SPRED1: variants seen among roughly 807,000 people sequenced by gnomAD.
The protein encoded by SPRED1 is sprouty-related, EVH1 domain-containing protein 1.
SPRED1 carries 18 observed loss-of-function variants against 52.3 expected under a neutral mutation model. The ratio of observed to expected loss-of-function variants is 0.34; its 90% CI spans 0.24 to 0.51. SPRED1 has a LOEUF of 0.51. Among genes scored for constraint, SPRED1 ranks in the 20% least tolerant of loss-of-function variants. The pLI, the probability that SPRED1 is intolerant of heterozygous loss-of-function variation, is 0.97. For synonymous variants in SPRED1, 155 were observed against 179.7 expected, an observed-to-expected ratio of 0.86 and a Z score of 1.10; for missense variants, 485 against 551.0, an observed-to-expected ratio of 0.88 and a Z score of 1.20.
At chr15:38,335,615 TC>T (rs748402106) in intron 4 of SPRED1, among the ~76,000 whole-genome samples, 1 of 152,110 alleles carries the variant, frequency 6.6e-6, no homozygotes, top group Non-Finnish European at 1.5e-5. Flanking sequence ...AAAAATGATT[TC>T]ATTGTTACAG....
chr15:38,265,663 G>A (rs530557484), intron 1 of SPRED1, among the ~76,000 whole-genome samples: 1 of 151,966 alleles, frequency 6.6e-6, no homozygotes, highest in East Asian at 1.9e-4. Flanking sequence ...GTTATAAAAG[G>A]AGTATATTTC....
In SPRED1 at chr15:38,311,799, T is replaced by C. The variant is rs1183882322; in HGVS notation, c.208-10442T>C. Among the ~76,000 whole-genome samples, 3 of 152,296 alleles carry C rather than the reference T, an allele frequency of 2.0e-5. No individual in the cohort carries two copies. The East Asian group carries it at 5.8e-4, about 29-fold the overall frequency. On this transcript the variant is annotated intron_variant, in intron 2 of 6. Coordinates refer to ENST00000299084, the MANE Select transcript of SPRED1 (RefSeq NM_152594.3). ...TCCTGTAATGGATTTGTGGCTTTGC[T>C]CTTTTGTCAGTCTTGCTAGAGATGT...
At chr15:38,326,353 AG>A (rs1895710154) in intron 4 of SPRED1, 1 of 152,218 alleles carries the variant, frequency 6.6e-6, no homozygotes. Flanking sequence ...AAGCTAAGGA[AG>A]GGCTCCTAAA....
In SPRED1 at chr15:38,356,343, T is replaced by C. The variant is rs1433124445; in HGVS notation, c.*4679T>C. 1.3e-5 allele frequency: 2 copies of C among 152,140 alleles called. No homozygotes were observed. The highest frequency in any genetic ancestry group is 4.8e-5 in the African/African-American group (2 of 41,458). 9.4% of individuals were successfully genotyped at this position (152,140 alleles called of 1,614,324 possible). ...TAATACATTATAAGTTTGTAACCAT[T>C]TCTGTTACTTCATACCCGTGTAATT... On this transcript the variant is annotated 3_prime_UTR_variant, in exon 7 of 7. Coordinates refer to ENST00000299084, the MANE Select transcript of SPRED1 (RefSeq NM_152594.3).
chr15:38,272,276 G>GTTTTTGTTT (rs1555387946), intron 1 of SPRED1, among the ~76,000 whole-genome samples: 2 of 131,426 alleles, frequency 1.5e-5, no homozygotes, highest in African/African-American at 2.8e-5. Flanking sequence ...CGAATGCTAG[G>GTTTTTGTTT]TTTTTTTTTT....
chr15:38,253,138 G>A lies in SPRED1; in HGVS notation c.-48G>A. The A allele has an allele frequency of 6.4e-7, 1 of 1,551,844 alleles. No individual in the cohort carries two copies. Among genetic ancestry groups the A allele is most frequent in the Non-Finnish European group, 8.7e-7 (1 of 1,145,230 alleles). On this transcript the variant is annotated 5_prime_UTR_variant, in exon 1 of 7. Coordinates refer to ENST00000299084, the MANE Select transcript of SPRED1 (RefSeq NM_152594.3). The stretch of plus-strand genomic sequence containing the variant: ...CCCTCGGTGCTGCTGTTGCTCCCCC[G>A]CCTGCTGTTGCTCCTCCATCTCCAG...
intron 1 of SPRED1, among the ~76,000 whole-genome samples, chr15:38,279,324 G>A (rs1435960416): frequency 6.6e-6 from 1 of 152,152 alleles, no homozygotes; most frequent in Non-Finnish European, 1.5e-5. Flanking sequence ...TCTCTGTAGA[G>A]CAATTACCAG....
intron 1 of SPRED1, among the ~76,000 whole-genome samples, chr15:38,270,869 T>C (rs1894419700): frequency 6.6e-6 from 1 of 152,252 alleles, no homozygotes; most frequent in Non-Finnish European, 1.5e-5. Flanking sequence ...TTTGTACATA[T>C]GTCTCTTGAA....
intron 1 of SPRED1, among the ~76,000 whole-genome samples, chr15:38,255,088 T>C (rs1894065808): frequency 6.6e-6 from 1 of 152,180 alleles, no homozygotes; most frequent in African/African-American, 2.4e-5. Flanking sequence ...AAGTAAAATA[T>C]ATTTTTTCTA....
intron 6 of SPRED1, among the ~76,000 whole-genome samples, chr15:38,350,309 C>T (rs572352150): frequency 1.3e-5 from 2 of 152,148 alleles, no homozygotes; most frequent in African/African-American, 4.8e-5. Context: ...TCTGCCCGTA[C>T]ATCCCTGGTG....
chr15:38,292,793 ATTC>A (rs1396660733), intron 1 of SPRED1, among the ~76,000 whole-genome samples: 4 of 152,218 alleles, frequency 2.6e-5, no homozygotes, highest in African/African-American at 9.6e-5. Flanking sequence ...ATGATTAATA[ATTC>A]TTAGCGTTAA....
intron 2 of SPRED1, among the ~76,000 whole-genome samples, chr15:38,305,342 CAAAA>C (rs371313597): frequency 2.3e-5 from 3 of 131,632 alleles, no homozygotes; most frequent in African/African-American, 8.6e-5. Flanking sequence ...AAATAAAAAA[CAAAA>C]AAAAAAAACT....
In SPRED1 at chr15:38,253,011, G is replaced by A. The variant is rs1312214893; in HGVS notation, c.-175G>A. On this transcript the variant is annotated 5_prime_UTR_variant, in exon 1 of 7. Coordinates refer to ENST00000299084, the MANE Select transcript of SPRED1 (RefSeq NM_152594.3). ...CCGCCACCCCCCTGCGGGGGTGGCC[G>A]GGGTTCCCGGCTGGGGGGGTACCGT... 7 of 638,140 alleles carry A rather than the reference G, an allele frequency of 1.1e-5. No homozygotes were observed. Among genetic ancestry groups the A allele is most frequent in the Middle Eastern group, 4.1e-4 (1 of 2,428 alleles). The allele number at this position is 638,140 out of a possible 1,614,324, so 39.5% of individuals were successfully genotyped here.
intron 4 of SPRED1, among the ~76,000 whole-genome samples, chr15:38,338,176 A>C (rs1595755801): frequency 6.6e-6 from 1 of 151,114 alleles, no homozygotes. Flanking sequence ...GCATCACTGC[A>C]CTCCAGCCTG....
At chr15:38,327,903 A>G (rs1024604511) in intron 4 of SPRED1, among the ~76,000 whole-genome samples, 4 of 152,216 alleles carry the variant, frequency 2.6e-5, no homozygotes, top group African/African-American at 4.8e-5. Flanking sequence ...GATTAGAATG[A>G]TAGCTAATTT....
intron 2 of SPRED1, among the ~76,000 whole-genome samples, chr15:38,310,764 T>TA (rs1225224606): frequency 1.3e-5 from 2 of 152,246 alleles, no homozygotes; most frequent in East Asian, 3.8e-4. Context: ...TAATTTTGGT[T>TA]ACTGCATGTC....
chr15:38,279,704 A>G (rs1376553418), intron 1 of SPRED1, among the ~76,000 whole-genome samples: 1 of 152,234 alleles, frequency 6.6e-6, no homozygotes, highest in Non-Finnish European at 1.5e-5. Flanking sequence ...GCATTGAACC[A>G]TATCTGCACA....
chr15:38,298,545 T>G (rs1390765173), intron 1 of SPRED1: 1 of 308,584 alleles, frequency 3.2e-6, no homozygotes, highest in Non-Finnish European at 6.1e-6. Flanking sequence ...CAAAACAACA[T>G]GAGAGAAAGA....
At chr15:38,305,127 G>A (rs993593050) in intron 2 of SPRED1, among the ~76,000 whole-genome samples, 4 of 151,874 alleles carry the variant, frequency 2.6e-5, no homozygotes, top group Non-Finnish European at 5.9e-5. Flanking sequence ...TCAGGAGTTC[G>A]AGACCAGCCT....
Sources: allele counts gnomAD v4.1 joint callset (sites outside exome capture counted in the v4.1 genomes callset), GRCh38; gene constraint gnomAD v4.1.1; transcripts MANE v1.5; gene names NCBI Gene and HGNC (gene_info 2026-07-23, HGNC 2026-07-21).